EYA4: variants seen among roughly 807,000 people sequenced by gnomAD.
EYA4 encodes the protein EYA transcriptional coactivator and phosphatase 4.
Under a neutral mutation model 87.9 loss-of-function variants are expected in EYA4, and 31 were observed. The ratio of observed to expected loss-of-function variants is 0.35; its 90% confidence interval spans 0.27 to 0.48. The LOEUF is 0.48. Among genes scored for constraint, EYA4 ranks in the 20% least tolerant of loss-of-function variants. The pLI, the probability that EYA4 is intolerant of heterozygous loss-of-function variation, is 0.99. For synonymous variants in EYA4, 263 were observed against 270.6 expected, an observed-to-expected ratio of 0.97 and a Z score of 0.28; for missense variants, 678 against 761.4, an observed-to-expected ratio of 0.89 and a Z score of 1.29.
intron 2 of EYA4, among the ~76,000 whole-genome samples, chr6:133,369,858 C>A (rs776226295): frequency 5.9e-5 from 9 of 152,172 alleles, no homozygotes; most frequent in Non-Finnish European, 1.0e-4. Flanking sequence ...GTCTAGGAGT[C>A]AGGAGATGTG....
intron 3 of EYA4, among the ~76,000 whole-genome samples, chr6:133,412,826 G>A (rs893550624): frequency 4.6e-5 from 7 of 152,062 alleles, no homozygotes. Context: ...TTGGCTGCTG[G>A]TTGTTTTTGC....
intron 13 of EYA4, among the ~76,000 whole-genome samples, chr6:133,501,295 G>T (rs1319816470): frequency 6.6e-6 from 1 of 151,862 alleles, no homozygotes; most frequent in Non-Finnish European, 1.5e-5. Flanking sequence ...TTTCTTGTCT[G>T]TTTATCAGAT....
intron 2 of EYA4, among the ~76,000 whole-genome samples, chr6:133,330,507 T>C (rs1202356886): frequency 4.6e-5 from 7 of 151,222 alleles, no homozygotes; most frequent in Non-Finnish European, 7.4e-5. Context: ...TCCTCTACTA[T>C]TAGAAATGAC....
chr6:133,449,998 T>C (rs921167553), intron 5 of EYA4, among the ~76,000 whole-genome samples: 1 of 152,214 alleles, frequency 6.6e-6, no homozygotes, highest in South Asian at 2.1e-4. Flanking sequence ...TGACTTTTTT[T>C]TTTTTGAAAC....
chr6:133,414,912 A>G (rs1043837961), intron 3 of EYA4, among the ~76,000 whole-genome samples: 1 of 152,178 alleles, frequency 6.6e-6, no homozygotes, highest in Non-Finnish European at 1.5e-5. Context: ...TTTTATTGAT[A>G]TACTTAGAGA....
At chr6:133,279,897 T>A (rs1777486685) in intron 2 of EYA4, among the ~76,000 whole-genome samples, 1 of 152,198 alleles carries the variant, frequency 6.6e-6, no homozygotes, top group African/African-American at 2.4e-5. Context: ...GTTTAAACAG[T>A]ATGCTAGAAT....
intron 2 of EYA4, among the ~76,000 whole-genome samples, chr6:133,280,022 A>G (rs986676241): frequency 3.9e-5 from 6 of 152,228 alleles, no homozygotes; most frequent in Non-Finnish European, 7.3e-5. Context: ...CTCTAAACCC[A>G]TTCGACCAGA....
chr6:133,247,808 T>A (rs1010885350), intron 1 of EYA4: 1 of 152,094 alleles, frequency 6.6e-6, no homozygotes, highest in African/African-American at 2.4e-5. Context: ...CCTCTCACGG[T>A]GGCCGCCGCC....
chr6:133,290,269 A>G (rs1236230432), intron 2 of EYA4, among the ~76,000 whole-genome samples: 5 of 152,128 alleles, frequency 3.3e-5, no homozygotes. Flanking sequence ...GGCAATTGTA[A>G]CTGCTGGACA....
At chr6:133,370,578 A>G (rs1014706137) in intron 2 of EYA4, among the ~76,000 whole-genome samples, 2 of 152,242 alleles carry the variant, frequency 1.3e-5, no homozygotes, top group Non-Finnish European at 2.9e-5. Flanking sequence ...ACATTATGTT[A>G]ATGTTGGGAG....
intron 13 of EYA4, among the ~76,000 whole-genome samples, chr6:133,487,762 A>ACTC (rs1381145956): frequency 1.3e-5 from 2 of 152,150 alleles, no homozygotes; most frequent in African/African-American, 4.8e-5. Flanking sequence ...CTTGGGTGAG[A>ACTC]CTCAGAGATG....
chr6:133,322,475 A>G (rs1280533339), intron 2 of EYA4, among the ~76,000 whole-genome samples: 1 of 152,228 alleles, frequency 6.6e-6, no homozygotes, highest in Non-Finnish European at 1.5e-5. Flanking sequence ...AGAGTCTTTG[A>G]AAACATGGAG....
chr6:133,398,530 C>T (rs914784896), intron 3 of EYA4, among the ~76,000 whole-genome samples: 5 of 151,922 alleles, frequency 3.3e-5, no homozygotes, highest in African/African-American at 1.2e-4. Context: ...CTCATATTTT[C>T]ATGTTGCCTT....
In EYA4 at chr6:133,481,635, G is replaced by A. The variant is rs778289421; in HGVS notation, c.1107+36G>A. The A allele has an allele frequency of 2.5e-6, 4 of 1,606,482 alleles. No individual in the cohort carries two copies. The South Asian group carries it at 3.3e-5, about 13-fold the overall frequency. On this transcript the variant is annotated intron_variant, in intron 12 of 19. Transcript: ENST00000355286. ...TCATTCTTAAAGATTGTAGTGTGATGCTTTATTTTACCGAATGATACATTC... is the reference window on the plus strand; with the variant it reads ...TCATTCTTAAAGATTGTAGTGTGATACTTTATTTTACCGAATGATACATTC...
intron 3 of EYA4, among the ~76,000 whole-genome samples, chr6:133,401,196 C>T (rs1788230372): frequency 6.6e-6 from 1 of 152,038 alleles, no homozygotes; most frequent in Non-Finnish European, 1.5e-5. Flanking sequence ...AAGTGGATCT[C>T]ATAAGGATAG....
intron 3 of EYA4, among the ~76,000 whole-genome samples, chr6:133,398,094 A>G (rs1279259704): frequency 6.6e-6 from 1 of 152,206 alleles, no homozygotes; most frequent in Admixed American, 6.5e-5. Context: ...TGCTAAATGT[A>G]AGAGATAAAA....
At chr6:133,466,617 A>AT (rs1794865697) in intron 10 of EYA4, among the ~76,000 whole-genome samples, 1 of 152,134 alleles carries the variant, frequency 6.6e-6, no homozygotes, top group Non-Finnish European at 1.5e-5. Flanking sequence ...ATAATTTTGA[A>AT]TAGGGGAGGT....
At chr6:133,242,276 T>TA (rs1374417357) in intron 1 of EYA4, among the ~76,000 whole-genome samples, 2 of 152,246 alleles carry the variant, frequency 1.3e-5, no homozygotes, top group Non-Finnish European at 2.9e-5. Flanking sequence ...GGTGCGTGTG[T>TA]ACTTTAAAGG....
In EYA4 at chr6:133,529,029, T is replaced by G; in HGVS notation, c.*224T>G. Reference sequence around the variant, plus strand: ...TTATATTTACAACACTTTAATGGGTTTTTTAAAAATCTGTGGAGGTTGCTG... The same window carrying G: ...TTATATTTACAACACTTTAATGGGTGTTTTAAAAATCTGTGGAGGTTGCTG... On this transcript the variant is annotated 3_prime_UTR_variant, in exon 20 of 20. Coordinates refer to ENST00000355286, the MANE Select transcript of EYA4 (RefSeq NM_004100.5). 7.6e-7 allele frequency: 1 copy of G among 1,315,270 alleles called. No homozygotes were observed. Among genetic ancestry groups the G allele is most frequent in the Non-Finnish European group, 9.7e-7 (1 of 1,025,658 alleles). The allele number at this position is 1,315,270 out of a possible 1,614,324, so 81.5% of individuals were successfully genotyped here.
Sources: gnomAD v4.1 joint callset for allele counts (sites outside exome capture counted in the v4.1 genomes callset) on GRCh38, gnomAD v4.1.1 for gene constraint, MANE v1.5 for transcripts, NCBI Gene and HGNC (gene_info 2026-07-23, HGNC 2026-07-21) for gene names.